CARD9: variants seen among roughly 807,000 people sequenced by gnomAD.
The protein encoded by CARD9 is caspase recruitment domain family member 9.
Under a neutral mutation model 66.0 loss-of-function variants are expected in CARD9, and 53 were observed. The ratio of observed to expected loss-of-function variants is 0.80; its 90% CI spans 0.64 to 1.01. CARD9 has a LOEUF of 1.01. Among genes scored for constraint, CARD9 ranks in the 50% least tolerant of loss-of-function variants. The pLI is 0.00. For synonymous variants in CARD9, 387 were observed against 313.8 expected (o/e 1.23, Z -2.47); for missense variants, 769 against 743.2 (o/e 1.03, Z -0.40).
chr9:136,373,161 A>G (rs1489065540), intron 1 of CARD9, among the ~76,000 whole-genome samples: 2 of 152,238 alleles, frequency 1.3e-5, no homozygotes, highest in African/African-American at 4.8e-5. Flanking sequence ...TCCTGGAGAC[A>G]TAGTTGCCCC....
intron 1 of CARD9, among the ~76,000 whole-genome samples, chr9:136,372,977 G>A (rs1833311299): frequency 6.6e-6 from 1 of 152,238 alleles, no homozygotes; most frequent in Non-Finnish European, 1.5e-5. Context: ...TACCCATGTT[G>A]GGACCAGCCA....
Position 136,367,731 on chromosome 9 carries a change from G to T in CARD9, c.1175C>A (p.Ala392Glu), listed in dbSNP as rs567395579. The T allele has an allele frequency of 1.0e-5, 16 of 1,605,300 alleles. No individual in the cohort carries two copies. In the Admixed American group the frequency reaches 2.5e-4, roughly 25 times the overall value. The change falls in exon 8 of 13, where the codon GCG becomes GAG. Residue 392 changes from alanine (A) to glutamate (E), a missense_variant. Physicochemically the swap from Ala to Glu is moderately radical, Grantham distance 107. Coordinates refer to ENST00000371732, the MANE Select transcript of CARD9 (RefSeq NM_052813.5). ...RKQVRELGEK[A>E]DELQLQVFQC... ...GAACACCTGCAGCTGCAGCTCATCC[G>T]CCTTCTCGCCCAGCTCCCGCACCTG...
chr9:136,372,625 C>T (rs943997260), intron 1 of CARD9, among the ~76,000 whole-genome samples: 2 of 152,222 alleles, frequency 1.3e-5, no homozygotes, highest in Admixed American at 1.3e-4. Context: ...GGAGCCGGTT[C>T]TTGTGGGACT....
chr9:136,366,099 C>T (rs79371147), intron 10 of CARD9: 6,233 of 153,420 alleles, frequency 0.041, 184 homozygotes, highest in Middle Eastern at 0.094. Context: ...TGCAGCCTCC[C>T]AGGACCCCTC....
chr9:136,370,039 G>T (rs376262066), intron 6 of CARD9, 164 bp from the exon 7 acceptor site: 7 of 1,436,372 alleles, frequency 4.9e-6, no homozygotes, highest in Non-Finnish European at 6.5e-6. Flanking sequence ...CTTCCAGACC[G>T]CGGCAGGACA....
rs765405752 is a variant in CARD9 at position 136,367,747 on chromosome 9, C to T, written c.1159G>A (p.Glu387Lys). The T allele has an allele frequency of 1.9e-5, 31 of 1,605,510 alleles. No individual in the cohort carries two copies. The highest frequency in any genetic ancestry group is 8.0e-5 in the African/African-American group (6 of 74,926). Residue 387 changes from glutamate (E) to lysine (K), a missense_variant, in exon 8 of 13, where the codon GAG becomes AAG. Transcript: ENST00000371732. ...EKDALRKQVR[E>K]LGEKADELQL... Reference sequence around the variant, plus strand: ...AGCTCATCCGCCTTCTCGCCCAGCTCCCGCACCTGCTTGCGCAGCGCGTCC... The same window carrying T: ...AGCTCATCCGCCTTCTCGCCCAGCTTCCGCACCTGCTTGCGCAGCGCGTCC...
In CARD9 at chr9:136,364,022, A is replaced by T; in HGVS notation, c.*280T>A. 1 of 1,397,254 alleles carries T rather than the reference A, an allele frequency of 7.2e-7. No individual in the cohort carries two copies. Among genetic ancestry groups the T allele is most frequent in the Non-Finnish European group, 9.9e-7 (1 of 1,007,242 alleles). 86.6% of individuals were successfully genotyped at this position (1,397,254 alleles called of 1,614,324 possible). On this transcript the variant is annotated 3_prime_UTR_variant, in exon 13 of 13. Transcript: ENST00000371732. ...TAACACTAATACAATGCATGCATGT[A>T]TTGTGTGTTACATGGTGAAACAGAA...
intron 12 of CARD9, 21 bp downstream of exon 12, chr9:136,364,462 G>T (rs1282110521): frequency 5.2e-6 from 8 of 1,540,540 alleles, no homozygotes; most frequent in Non-Finnish European, 7.0e-6. Flanking sequence ...TTTTGGAGAA[G>T]CCTGGGGGCC....
At chr9:136,367,487 C>T in intron 8 of CARD9, 150 bp downstream of exon 8, 1 of 1,039,100 alleles carries the variant, frequency 9.6e-7, no homozygotes, top group Non-Finnish European at 1.4e-6. Flanking sequence ...TGCTCGTGTG[C>T]CCTCACCCCA....
At position 136,371,038 on chromosome 9, in the gene CARD9, T is replaced by C. The variant is rs977007616; in HGVS notation, c.430A>G (p.Ile144Val). 4 of 1,612,372 alleles carry C rather than the reference T, an allele frequency of 2.5e-6. No individual in the cohort carries two copies. In the African/African-American group the frequency reaches 5.3e-5, roughly 22 times the overall value. The change falls in exon 4 of 13, where the codon ATC becomes GTC. Residue 144 changes from isoleucine to valine, a missense_variant. Transcript: ENST00000371732. ...CTGTCCTTCACCCGCAGCTCCTTGA[T>C]GAAGTCATCTTTGGAGCTCAGCAGC... ...TALLSSKDDF[I>V]KELRVKDSLL...
rs772249417 is a variant in CARD9 at position 136,370,873 on chromosome 9, C to T, written c.595G>A (p.Ala199Thr). 7 of 1,604,304 alleles carry T rather than the reference C, an allele frequency of 4.4e-6. No individual in the cohort carries two copies. The highest frequency in any genetic ancestry group is 2.2e-5 in the South Asian group (2 of 90,660). ...TGCAGGTCACGGTTCCGCATGAGCG[C>T]GGCGCCCTTCTCCTCACTCTGGTGC... ...LAHQSEEKGA[A>T]LMRNRDLQLE... The change falls in exon 4 of 13, where the codon GCG (alanine) becomes ACG (threonine). Residue 199 changes from alanine (A) to threonine (T), a missense_variant. Physicochemically the swap from Ala to Thr is moderately conservative, Grantham distance 58 (BLOSUM62 0). Transcript: ENST00000371732.
In CARD9 at chr9:136,371,029, G is replaced by T; in HGVS notation, c.439C>A (p.Leu147Met). ...CGCAGCAGGCTGTCCTTCACCCGCA[G>T]CTCCTTGATGAAGTCATCTTTGGAG... ...LSSKDDFIKE[L>M]RVKDSLLRKH... is the part of the protein sequence containing the mutation. Residue 147 changes from leucine to methionine, a missense_variant, in exon 4 of 13, where the codon CTG (leucine) becomes ATG (methionine). Leu to Met is a conservative substitution (Grantham distance 15). Transcript: ENST00000371732. 1 of 1,612,242 alleles carries T rather than the reference G, an allele frequency of 6.2e-7. No homozygotes were observed.
rs923366763 is a variant in CARD9, at chr9:136,368,092, C to T, written c.1078-264G>A. The T allele has an allele frequency of 1.9e-5, 24 of 1,249,244 alleles. No individual in the cohort carries two copies. The African/African-American group carries it at 3.7e-4, about 19-fold the overall frequency. 77.4% of individuals were successfully genotyped at this position (1,249,244 alleles called of 1,614,324 possible). On this transcript the variant is annotated intron_variant, in intron 7 of 12. Transcript: ENST00000371732. Reference sequence around the variant, plus strand: ...GGACACAGCGTGTGCTATGTACCCCCACACGTGCACATTTGATAAATTTTG... The same window carrying T: ...GGACACAGCGTGTGCTATGTACCCCTACACGTGCACATTTGATAAATTTTG...
At chr9:136,372,652 C>T (rs987800104) in intron 1 of CARD9, among the ~76,000 whole-genome samples, 5 of 152,222 alleles carry the variant, frequency 3.3e-5, no homozygotes, top group South Asian at 2.1e-4. Flanking sequence ...TTCCCCTGAC[C>T]GACGCCTGCT....
intron 10 of CARD9, chr9:136,366,365 G>A (rs924480685): frequency 2.0e-5 from 4 of 200,714 alleles, no homozygotes; most frequent in African/African-American, 7.0e-5. Flanking sequence ...GCCCCATCTC[G>A]CCCCATCTTC....
At chr9:136,364,428 A>C (rs1034299956) in intron 12 of CARD9, 27 bp from the exon 13 acceptor site, 1 of 1,541,286 alleles carries the variant, frequency 6.5e-7, no homozygotes, top group Middle Eastern at 1.7e-4. Context: ...CTCAGGCGCG[A>C]CCCGGCTGCC....
Position 136,364,367 on chromosome 9 carries a change from G to T in CARD9, c.1546C>A (p.Arg516=). 6.4e-7 allele frequency: 1 copy of T among 1,568,286 alleles called. No individual in the cohort carries two copies. The highest frequency in any genetic ancestry group is 8.6e-7 in the Non-Finnish European group (1 of 1,158,610). The part of the protein sequence containing the change: ...RALRKMQKGW[R]QGEEDRENTT... Reference sequence around the variant, plus strand: ...TTCTCCCGGTCCTCCTCCCCCTGCCGCCATCCTTTCTGCATCTTCCTGAGG... The same window carrying T: ...TTCTCCCGGTCCTCCTCCCCCTGCCTCCATCCTTTCTGCATCTTCCTGAGG... Residue 516 remains arginine (R), a synonymous_variant, in exon 13 of 13, where the codon CGG becomes AGG. Transcript: ENST00000371732.
At chr9:136,372,245 A>G (rs4075760) in intron 1 of CARD9, among the ~76,000 whole-genome samples, 151 bp from the exon 2 acceptor site, 57,674 of 152,002 alleles carry the variant, frequency 0.38, 11,418 homozygotes, top group Admixed American at 0.48. Flanking sequence ...GCCCAGCTCC[A>G]TGTCCCATCC....
Position 136,371,938 on chromosome 9 carries a change from C to T in CARD9, c.141G>A (p.Gln47=), listed in dbSNP as rs1833286141. 6.2e-7 allele frequency: 1 copy of T among 1,609,388 alleles called. No individual in the cohort carries two copies. Among genetic ancestry groups the T allele is most frequent in the East Asian group, 2.2e-5 (1 of 44,740 alleles). ...CKVLNPDDEE[Q]VLSDPNLVIR... The stretch of plus-strand genomic sequence containing the variant: ...TGACCAGGTTGGGGTCGCTGAGCAC[C>T]TGCTCCTCATCATCGGGGTTCAGGA... The change falls in exon 2 of 13, where the codon CAG becomes CAA. Residue 47 remains glutamine (Q), a synonymous_variant. Transcript: ENST00000371732.
Sources: gnomAD v4.1 joint callset for allele counts (sites outside exome capture counted in the v4.1 genomes callset) on GRCh38, gnomAD v4.1.1 for gene constraint, MANE v1.5 for transcripts, NCBI Gene and HGNC (gene_info 2026-07-23, HGNC 2026-07-21) for gene names.